CDC25B: variants seen among roughly 807,000 people sequenced by gnomAD.
The protein encoded by CDC25B is cell division cycle 25B, also known as M-phase inducer phosphatase 2.
Under a neutral mutation model 69.8 loss-of-function variants are expected in CDC25B, and 33 were observed. The ratio of observed to expected loss-of-function variants is 0.47; its 90% CI spans 0.36 to 0.63. CDC25B has a LOEUF of 0.63. Ranked by LOEUF, CDC25B falls within the 30% of genes least tolerant of loss-of-function variation. CDC25B has a pLI of 0.00. For synonymous variants in CDC25B, 341 were observed against 314.6 expected (o/e 1.08, Z -0.89); for missense variants, 727 against 809.1 (o/e 0.90, Z 1.23).
At chr20:3,796,774 G>A (rs763925251) in intron 1 of CDC25B, 43 bp downstream of exon 1, 38 of 1,525,892 alleles carry the variant, frequency 2.5e-5, no homozygotes, top group Non-Finnish European at 3.2e-5. Context: ...TGAGAGGCTA[G>A]GTCTGGAGTC....
chr20:3,797,865 GCCC>G, intron 2 of CDC25B, 116 bp downstream of exon 2: 3 of 1,280,376 alleles, frequency 2.3e-6, no homozygotes, highest in East Asian at 2.3e-5. Context: ...AACCTGGTGG[GCCC>G]AGGAGCCTCT....
Position 3,804,841 on chromosome 20 carries a change from C to G in CDC25B, c.1623C>G (p.Asp541Glu). 6.2e-7 allele frequency: 1 copy of G among 1,614,212 alleles called. No homozygotes were observed. Among genetic ancestry groups the G allele is most frequent in the Non-Finnish European group, 8.5e-7 (1 of 1,180,022 alleles). ...CCTAGAACTTCTGTGAACCCCAGGA[C>G]TACCGGCCCATGAACCACGAGGCCT... ...PQHPNFCEPQ[D>E]YRPMNHEAFK... is the part of the protein sequence containing the mutation. The change falls in exon 16 of 16, where the codon GAC becomes GAG. Residue 541 changes from aspartate to glutamate, a missense_variant. Around this residue, in one of 2 missense-constraint regions of CDC25B, gnomAD observed 359 missense variants for 463.4 expected, o/e 0.77. Coordinates refer to ENST00000245960, the MANE Select transcript of CDC25B (RefSeq NM_021873.4).
chr20:3,798,491 C>T (rs761163292), intron 3 of CDC25B, 28 bp downstream of exon 3: 2 of 1,550,300 alleles, frequency 1.3e-6, no homozygotes, highest in South Asian at 1.2e-5. Flanking sequence ...TGTGTACTTC[C>T]AAGCATTCAG....
chr20:3,798,102 A>G (rs2089130269), intron 2 of CDC25B, among the ~76,000 whole-genome samples: 1 of 152,188 alleles, frequency 6.6e-6, no homozygotes, highest in South Asian at 2.1e-4. Context: ...CTCTTCTTTA[A>G]AAATCTGTTG....
At chr20:3,796,278 T>G, upstream of CDC25B, 1 of 1,320,686 alleles carries the variant, frequency 7.6e-7, no homozygotes. Context: ...ATTTTTCGAA[T>G]ATATAAGGAG....
At chr20:3,799,939 C>T (rs866642585) in intron 3 of CDC25B, among the ~76,000 whole-genome samples, 6 of 152,148 alleles carry the variant, frequency 3.9e-5, no homozygotes, top group South Asian at 2.1e-4. Context: ...CATATGGCCC[C>T]GCTGAGGTGA....
chr20:3,796,122 G>A (rs2089027380), upstream of CDC25B: 8 of 1,041,050 alleles, frequency 7.7e-6, no homozygotes, highest in African/African-American at 1.7e-5. Context: ...GATGTGCGAG[G>A]GTGTGGGATA....
chr20:3,800,205 C>A, intron 3 of CDC25B, 83 bp from the exon 4 acceptor site: 2 of 559,402 alleles, frequency 3.6e-6, no homozygotes, highest in Middle Eastern at 1.0e-3. Context: ...GCCCTTACTC[C>A]CCCCTGGACT....
At chr20:3,798,600 G>A in intron 3 of CDC25B, 137 bp downstream of exon 3, 1 of 566,794 alleles carries the variant, frequency 1.8e-6, no homozygotes, top group East Asian at 3.1e-5. Flanking sequence ...CATGGCCGGG[G>A]GGCTCACTGA....
chr20:3,805,226 G>T lies in CDC25B; in HGVS notation c.*265G>T. 4 of 503,502 alleles carry T rather than the reference G, an allele frequency of 7.9e-6. No homozygotes were observed. The South Asian group carries it at 8.1e-5, about 10-fold the overall frequency. 31.2% of individuals were successfully genotyped at this position (503,502 alleles called of 1,614,324 possible). A position where few individuals can be genotyped will look rare whatever the true frequency, so the allele number is the denominator to read the frequency against. ...AATACCAGCTTAAAGGCAGTATTTTGTGTCCTCCAGGAGCTTCTTGTTTCC... is the reference window on the plus strand; with the variant it reads ...AATACCAGCTTAAAGGCAGTATTTTTTGTCCTCCAGGAGCTTCTTGTTTCC... On this transcript the variant is annotated 3_prime_UTR_variant, in exon 16 of 16. Coordinates refer to ENST00000245960, the MANE Select transcript of CDC25B (RefSeq NM_021873.4).
chr20:3,796,283 A>C, upstream of CDC25B: 8 of 1,352,138 alleles, frequency 5.9e-6, no homozygotes, highest in Non-Finnish European at 7.6e-6. Flanking sequence ...TCGAATATAT[A>C]AGGAGGTGGA....
At chr20:3,798,265 G>T in intron 2 of CDC25B, 147 bp from the exon 3 acceptor site, 3 of 488,108 alleles carry the variant, frequency 6.1e-6, no homozygotes, top group Non-Finnish European at 1.1e-5. Context: ...AGGGTCCATG[G>T]TTGGGTTTTT....
Position 3,796,427 on chromosome 20 carries a change from C to CCCCA in CDC25B, c.-101_-98dup. 1 of 253,906 alleles carries CCCCA rather than the reference C, an allele frequency of 3.9e-6. No individual in the cohort carries two copies. Among genetic ancestry groups the CCCCA allele is most frequent in the Non-Finnish European group, 6.4e-6 (1 of 156,816 alleles). 15.7% of individuals were successfully genotyped at this position (253,906 alleles called of 1,614,324 possible). A position where few individuals can be genotyped will look rare whatever the true frequency, so the allele number is the denominator to read the frequency against. ...TTCCTCCCTCCCTCCTTCCCCCCCC[C>CCCCA]CCCACCCCTCGCCCGCTGCCTCCCT... is the stretch of plus-strand genomic sequence containing the variant. On this transcript the variant is annotated 5_prime_UTR_variant, in exon 1 of 16. Transcript: ENST00000245960.
Position 3,796,729 on chromosome 20 carries a change from C to A in CDC25B, c.198C>A (p.Gly66=). ...CCATGCACGACCTCGCCGGGCTCGG[C>A]AGGTAGGACACCCCAAGGAGGCTGC... The part of the protein sequence containing the change: ...TQTMHDLAGL[G]SETPKSQVGT... Residue 66 remains glycine (G), a splice_region_variant and synonymous_variant, in exon 1 of 16, where the codon GGC becomes GGA. Coordinates refer to ENST00000245960, the MANE Select transcript of CDC25B (RefSeq NM_021873.4). 1 of 1,566,226 alleles carries A rather than the reference C, an allele frequency of 6.4e-7. No homozygotes were observed. The highest frequency in any genetic ancestry group is 1.1e-5 in the South Asian group (1 of 87,066).
Position 3,802,355 on chromosome 20 carries a change from G to T in CDC25B, c.1173G>T (p.Glu391Asp). 1 of 1,607,178 alleles carries T rather than the reference G, an allele frequency of 6.2e-7. No individual in the cohort carries two copies. Among genetic ancestry groups the T allele is most frequent in the Non-Finnish European group, 8.5e-7 (1 of 1,179,622 alleles). The change falls in exon 11 of 16, where the codon GAG (glutamate) becomes GAT (aspartate). Residue 391 changes from glutamate to aspartate, a missense_variant. By Grantham distance (45) the Glu-to-Asp change is conservative. This residue lies in a region of CDC25B where 359 missense variants were observed against 463.4 expected (regional missense o/e 0.77). Coordinates refer to ENST00000245960, the MANE Select transcript of CDC25B (RefSeq NM_021873.4). ...IENLLDSDHR[E>D]LIGDYSKAFL... The stretch of plus-strand genomic sequence containing the variant: ...ACCTCCTGGACAGTGACCACCGAGA[G>T]CTGATTGGAGATTACTCTAAGGTAC...
At chr20:3,790,686 C>T (rs2088901251) in intron 1 of CDC25B, among the ~76,000 whole-genome samples, 1 of 152,042 alleles carries the variant, frequency 6.6e-6, no homozygotes, top group Admixed American at 6.6e-5. Flanking sequence ...TTCTCCTGCT[C>T]AGCCTCCCAA....
chr20:3,804,378 C>T (rs1171503901), intron 14 of CDC25B, among the ~76,000 whole-genome samples, 191 bp from the exon 15 acceptor site: 1 of 152,158 alleles, frequency 6.6e-6, no homozygotes, highest in Non-Finnish European at 1.5e-5. Context: ...ATTTTACCTC[C>T]TTCCTTCCGC....
upstream of CDC25B, among the ~76,000 whole-genome samples, chr20:3,793,637 T>C (rs200588428): frequency 6.7e-6 from 1 of 150,186 alleles, no homozygotes; most frequent in Non-Finnish European, 1.5e-5. Context: ...TTAGGGTACA[T>C]GTGCACAATG....
chr20:3,796,095 G>A (rs1057318880), upstream of CDC25B: 1 of 1,014,060 alleles, frequency 9.9e-7, no homozygotes, highest in Non-Finnish European at 1.2e-6. Context: ...GGGAGGCCGG[G>A]ATCCTCGCGC....
Sources: gnomAD v4.1 joint callset for allele counts (sites outside exome capture counted in the v4.1 genomes callset) on GRCh38, gnomAD v4.1.1 for gene constraint, gnomAD v4.1.1 regional missense constraint, MANE v1.5 for transcripts, NCBI Gene and HGNC (gene_info 2026-07-23, HGNC 2026-07-21) for gene names.